The following AQR variants were observed in gnomAD, a reference collection of about 807,000 sequenced individuals.
AQR encodes RNA helicase aquarius.
AQR carries 61 observed loss-of-function variants against 180.5 expected under a neutral mutation model. The observed-to-expected ratio is 0.34, with a 90% CI of 0.28 to 0.42. AQR has a LOEUF of 0.42. Ranked by LOEUF, AQR falls within the 10% of genes least tolerant of loss-of-function variation. AQR has a pLI of 1.00. For synonymous variants in AQR, 551 were observed against 588.8 expected (o/e 0.94, Z 0.93); for missense variants, 1,281 against 1,798.3 (o/e 0.71, Z 5.20).
At chr15:34,925,792 C>G (rs1027168670) in intron 13 of AQR, among the ~76,000 whole-genome samples, 7 of 151,518 alleles carry the variant, frequency 4.6e-5, no homozygotes, top group Non-Finnish European at 7.4e-5. Context: ...GAGATCGCAC[C>G]ACTGCACTCC....
chr15:34,926,995 G>A (rs774073011), intron 13 of AQR, 40 bp downstream of exon 13: 3 of 1,255,116 alleles, frequency 2.4e-6, no homozygotes, highest in African/African-American at 3.1e-5. Flanking sequence ...GAGGGAGCAT[G>A]ATACAAAAAA....
chr15:34,922,304 C>T (rs964851700), intron 13 of AQR, among the ~76,000 whole-genome samples: 2 of 152,024 alleles, frequency 1.3e-5, no homozygotes, highest in African/African-American at 4.8e-5. Flanking sequence ...CAGTTTTTGA[C>T]GATTTTGAAT....
At chr15:34,938,336 C>T (rs1893974175) in intron 9 of AQR, among the ~76,000 whole-genome samples, 1 of 152,068 alleles carries the variant, frequency 6.6e-6, no homozygotes, top group Admixed American at 6.6e-5. Context: ...GAGTTTGAGA[C>T]CAGCCTGGCC....
At chr15:34,929,622 T>C (rs1893820073) in intron 12 of AQR, among the ~76,000 whole-genome samples, 1 of 152,226 alleles carries the variant, frequency 6.6e-6, no homozygotes, top group Admixed American at 6.5e-5. Flanking sequence ...TCAAGTAGCA[T>C]GATGCCTCCA....
At chr15:34,956,899 G>A (rs1894328379) in intron 3 of AQR, among the ~76,000 whole-genome samples, 1 of 152,106 alleles carries the variant, frequency 6.6e-6, no homozygotes, top group African/African-American at 2.4e-5. Context: ...GGTGCTTACA[G>A]CAGAATCTGG....
chr15:34,968,602 C>T (rs952475259), intron 1 of AQR, among the ~76,000 whole-genome samples: 1 of 152,100 alleles, frequency 6.6e-6, no homozygotes, highest in African/African-American at 2.4e-5. Flanking sequence ...ATGAGATTTG[C>T]ACTTGTATGA....
At chr15:34,901,695 A>G (rs1566985756) in intron 19 of AQR, among the ~76,000 whole-genome samples, 3 of 152,210 alleles carry the variant, frequency 2.0e-5, no homozygotes, top group Non-Finnish European at 4.4e-5. Flanking sequence ...ACCCTTAATC[A>G]TGTTGCCTTG....
At chr15:34,949,424 C>G (rs1158503051) in intron 4 of AQR, among the ~76,000 whole-genome samples, 1 of 151,438 alleles carries the variant, frequency 6.6e-6, no homozygotes, top group Non-Finnish European at 1.5e-5. Flanking sequence ...TCCTGGCCAA[C>G]ATGGTGAAAC....
rs573880683 is a variant in AQR at position 34,906,320 on chromosome 15, G to A, written c.1831+225C>T. Among the ~76,000 whole-genome samples the A allele has an allele frequency of 2.0e-5, 3 of 152,032 alleles. No homozygotes were observed. In the South Asian group the frequency reaches 6.2e-4, roughly 32 times the overall value. On this transcript the variant is annotated intron_variant, in intron 18 of 34. Coordinates refer to ENST00000156471, the MANE Select transcript of AQR (RefSeq NM_014691.3). ...CAGGAGGCAGAGGTTGCAGTGAGCC[G>A]AGATTGTGCCACTGAACTCCAGCCT...
chr15:34,947,276 G>A (rs935634143), intron 5 of AQR, among the ~76,000 whole-genome samples: 5 of 151,650 alleles, frequency 3.3e-5, no homozygotes, highest in African/African-American at 1.2e-4. Flanking sequence ...TAAGGGCGGT[G>A]CAAGATGTGC....
chr15:34,853,627 G>A lies in AQR; in HGVS notation c.*3165C>T, dbSNP rs1358097708. On this transcript the variant is annotated 3_prime_UTR_variant, in exon 35 of 35. Coordinates refer to ENST00000156471, the MANE Select transcript of AQR (RefSeq NM_014691.3). Reference sequence around the variant, plus strand: ...CTTCATGCTGCCTGGATTGGGGCATGGCTAAGCACTCAAGTCAAAGGATTA... The same window carrying A: ...CTTCATGCTGCCTGGATTGGGGCATAGCTAAGCACTCAAGTCAAAGGATTA... 6.6e-6 allele frequency: 1 copy of A among 152,132 alleles called. No individual in the cohort carries two copies. Among genetic ancestry groups the A allele is most frequent in the East Asian group, 1.9e-4 (1 of 5,192 alleles). The allele number at this position is 152,132 out of a possible 1,614,324, so 9.4% of individuals were successfully genotyped here.
At chr15:34,969,070 G>A (rs1027163299) in intron 1 of AQR, among the ~76,000 whole-genome samples, 1 of 152,094 alleles carries the variant, frequency 6.6e-6, no homozygotes, top group Non-Finnish European at 1.5e-5. Flanking sequence ...TTTTTAGATA[G>A]GTCTATTTGG....
At position 34,851,853 on chromosome 15, in the gene AQR, A is replaced by G. The variant is rs1485217275; in HGVS notation, c.*4939T>C. On this transcript the variant is annotated 3_prime_UTR_variant, in exon 35 of 35. Transcript: ENST00000156471. ...AACTTAGTGTGAAATTCTGGAGTCT[A>G]AAATTAAAATGTAAACAGAGAATGC... 6.6e-6 allele frequency: 1 copy of G among 152,214 alleles called. No individual in the cohort carries two copies. The highest frequency in any genetic ancestry group is 1.5e-5 in the Non-Finnish European group (1 of 68,036). 9.4% of individuals were successfully genotyped at this position (152,214 alleles called of 1,614,324 possible). A position where few individuals can be genotyped will look rare whatever the true frequency, so the allele number is the denominator to read the frequency against.
chr15:34,861,880 TGGAGG>T (rs1404988467), intron 33 of AQR, among the ~76,000 whole-genome samples: 1 of 151,960 alleles, frequency 6.6e-6, no homozygotes, highest in African/African-American at 2.4e-5. Flanking sequence ...TTAGTAGGGG[TGGAGG>T]GAAGACGTAT....
rs1892805425 is a variant in AQR, at chr15:34,870,777, T to C, written c.3743A>G (p.Asn1248Ser). The change falls in exon 31 of 35, where the codon AAT (asparagine) becomes AGT (serine). Residue 1248 changes from asparagine (N) to serine (S), a missense_variant. This residue lies in a region of AQR where 197 missense variants were observed against 320.7 expected (regional missense o/e 0.61). Coordinates refer to ENST00000156471, the MANE Select transcript of AQR (RefSeq NM_014691.3). ...CTTGTTTGGTCTTCCAATCAATGGA[T>C]TGTTTCCACATCGTCTATTGATGAT... ...RDIINRRCGN[N>S]PLIGRPNKVT... 1 of 1,612,264 alleles carries C rather than the reference T, an allele frequency of 6.2e-7. No individual in the cohort carries two copies.
At chr15:34,914,352 C>A (rs1893547476) in intron 16 of AQR, among the ~76,000 whole-genome samples, 1 of 152,110 alleles carries the variant, frequency 6.6e-6, no homozygotes, top group Admixed American at 6.5e-5. Flanking sequence ...GCTACAATTA[C>A]CAGAATGAAA....
Position 34,858,133 on chromosome 15 carries a change from A to G in AQR, c.4144-1027T>C, listed in dbSNP as rs968442644. Among the ~76,000 whole-genome samples the G allele has an allele frequency of 3.3e-5, 5 of 151,592 alleles. No individual in the cohort carries two copies. In the East Asian group the frequency reaches 5.9e-4, roughly 18 times the overall value. On this transcript the variant is annotated intron_variant, in intron 34 of 34. Coordinates refer to ENST00000156471, the MANE Select transcript of AQR (RefSeq NM_014691.3). Reference sequence around the variant, plus strand: ...CAAGTAGCTGGGATTACAGACATGTACCACCATGCCTGGCTAATTTTTGTA... The same window carrying G: ...CAAGTAGCTGGGATTACAGACATGTGCCACCATGCCTGGCTAATTTTTGTA...
At chr15:34,963,809 G>A (rs201675665) in intron 2 of AQR, among the ~76,000 whole-genome samples, 5 of 150,878 alleles carry the variant, frequency 3.3e-5, no homozygotes, top group South Asian at 2.1e-4. Context: ...GACTACAGGC[G>A]CCCACCACCA....
intron 17 of AQR, among the ~76,000 whole-genome samples, 179 bp downstream of exon 17, chr15:34,909,956 C>T (rs905980774): frequency 1.3e-5 from 2 of 152,080 alleles, no homozygotes; most frequent in African/African-American, 4.8e-5. Context: ...TGTATGATCC[C>T]TGGTATTTTT....
Sources: gnomAD v4.1 joint callset for allele counts (sites outside exome capture counted in the v4.1 genomes callset) on GRCh38, gnomAD v4.1.1 for gene constraint, gnomAD v4.1.1 regional missense constraint, MANE v1.5 for transcripts, NCBI Gene and HGNC (gene_info 2026-07-23, HGNC 2026-07-21) for gene names.